LYVE1: variants seen among roughly 807,000 people sequenced by gnomAD.
LYVE1 encodes the protein lymphatic vessel endothelial hyaluronic acid receptor 1.
A neutral mutation model predicts 31.5 loss-of-function variants in LYVE1; 29 were observed. The ratio of observed to expected loss-of-function variants is 0.92; its 90% confidence interval spans 0.69 to 1.26. The LOEUF is 1.26. Ranked by LOEUF, LYVE1 falls within the 50% of genes most tolerant of loss-of-function variation. LYVE1 has a pLI of 0.00. For synonymous variants in LYVE1, 134 were observed against 139.4 expected (o/e 0.96, Z 0.27); for missense variants, 376 against 380.2 (o/e 0.99, Z 0.09).
In LYVE1 at chr11:10,568,611, C is replaced by A; in HGVS notation, c.-79G>T. Reference sequence around the variant, plus strand: ...GAGAGGCAGATGCTCAATAACTAGTCCGGATGGAGAGTTCTGGAACTATGT... The same window carrying A: ...GAGAGGCAGATGCTCAATAACTAGTACGGATGGAGAGTTCTGGAACTATGT... On this transcript the variant is annotated 5_prime_UTR_variant, in exon 1 of 6. Coordinates refer to ENST00000256178, the MANE Select transcript of LYVE1 (RefSeq NM_006691.4). The A allele has an allele frequency of 6.5e-7, 1 of 1,526,876 alleles. No individual in the cohort carries two copies. The highest frequency in any genetic ancestry group is 1.2e-5 in the South Asian group (1 of 81,712). The allele number at this position is 1,526,876 out of a possible 1,614,324, so 94.6% of individuals were successfully genotyped here.
chr11:10,568,240 A>AGTAAAAGTCCAGATGATACAAAC (rs1280556622), intron 1 of LYVE1, among the ~76,000 whole-genome samples: 8 of 152,386 alleles, frequency 5.2e-5, no homozygotes, highest in African/African-American at 1.7e-4. Flanking sequence ...CATAACCAAA[A>AGTAAAAGTCCAGATGATACAAAC]GTAAAAGTCC....
rs1225160624 is a variant in LYVE1 at position 10,559,022 on chromosome 11, T to C, written c.*89A>G. ...CCAAGGGTGGACTTTCTTCTTTGGT[T>C]CTTTGGCCCTTTTGATTTCCCCAGC... On this transcript the variant is annotated 3_prime_UTR_variant, in exon 6 of 6. Transcript: ENST00000256178. The C allele has an allele frequency of 1.6e-6, 2 of 1,260,070 alleles. No homozygotes were observed. Among genetic ancestry groups the C allele is most frequent in the African/African-American group, 3.0e-5 (2 of 66,296 alleles). The allele number at this position is 1,260,070 out of a possible 1,614,324, so 78.1% of individuals were successfully genotyped here.
chr11:10,560,830 G>T (rs1407354357), intron 3 of LYVE1, 30 bp from the exon 4 acceptor site: 7 of 1,541,154 alleles, frequency 4.5e-6, no homozygotes, highest in Non-Finnish European at 6.2e-6. Flanking sequence ...TGGAATAAAA[G>T]TATTGCAACA....
At chr11:10,564,529 C>T (rs1009346733) in intron 1 of LYVE1, among the ~76,000 whole-genome samples, 155 bp from the exon 2 acceptor site, 4 of 152,196 alleles carry the variant, frequency 2.6e-5, no homozygotes, top group Middle Eastern at 3.2e-3. Context: ...CAGGCATTTT[C>T]CACAAGGACC....
rs188186764 is a variant in LYVE1 at position 10,557,205 on chromosome 11, A to G, written c.*1906T>C. 1.3e-5 allele frequency: 2 copies of G among 152,292 alleles called. No homozygotes were observed. The allele number at this position is 152,292 out of a possible 1,614,324, so 9.4% of individuals were successfully genotyped here. A position where few individuals can be genotyped will look rare whatever the true frequency, so the allele number is the denominator to read the frequency against. Reference sequence around the variant, plus strand: ...ACCTTTACTTTGGCATGAGTGTGCAACAGAGAGTCATGAGGACTGTGGTGA... The same window carrying G: ...ACCTTTACTTTGGCATGAGTGTGCAGCAGAGAGTCATGAGGACTGTGGTGA... On this transcript the variant is annotated 3_prime_UTR_variant, in exon 6 of 6. Coordinates refer to ENST00000256178, the MANE Select transcript of LYVE1 (RefSeq NM_006691.4).
chr11:10,561,976 A>T (rs1850435632), intron 3 of LYVE1, among the ~76,000 whole-genome samples: 1 of 152,172 alleles, frequency 6.6e-6, no homozygotes, highest in Non-Finnish European at 1.5e-5. Context: ...TAATAAAAAT[A>T]AAATAATAAA....
Position 10,560,657 on chromosome 11 carries a change from G to C in LYVE1, c.541C>G (p.Pro181Ala), listed in dbSNP as rs772670938. The C allele has an allele frequency of 1.2e-6, 2 of 1,614,014 alleles. No homozygotes were observed. Among genetic ancestry groups the C allele is most frequent in the African/African-American group, 1.3e-5 (1 of 74,924 alleles). Residue 181 changes from proline to alanine, a missense_variant, in exon 4 of 6, where the codon CCT becomes GCT. Transcript: ENST00000256178. ...VASPYSTIPA[P>A]TTTPPAPAST... Reference sequence around the variant, plus strand: ...GCTGGAGCAGGAGGAGTAGTAGTAGGGGCAGGTATTGTAGAGTAAGGGGAT... The same window carrying C: ...GCTGGAGCAGGAGGAGTAGTAGTAGCGGCAGGTATTGTAGAGTAAGGGGAT...
intron 1 of LYVE1, among the ~76,000 whole-genome samples, chr11:10,566,075 G>A (rs535741074): frequency 6.6e-5 from 10 of 152,026 alleles, no homozygotes; most frequent in African/African-American, 2.2e-4. Flanking sequence ...TTCCCAAAGT[G>A]CTGGGATTAC....
At chr11:10,565,646 TA>T (rs11348623) in intron 1 of LYVE1, among the ~76,000 whole-genome samples, 4,070 of 152,242 alleles carry the variant, frequency 0.027, 74 homozygotes, top group African/African-American at 0.056. Flanking sequence ...TGCCTGATTC[TA>T]AAACCCCAGT....
At chr11:10,562,480 A>G (rs1850448145) in intron 3 of LYVE1, among the ~76,000 whole-genome samples, 1 of 152,190 alleles carries the variant, frequency 6.6e-6, no homozygotes, top group African/African-American at 2.4e-5. Context: ...TTTCTGGGAC[A>G]GTTTTTGCTA....
At chr11:10,561,404 A>G (rs1289718225) in intron 3 of LYVE1, among the ~76,000 whole-genome samples, 1 of 152,206 alleles carries the variant, frequency 6.6e-6, no homozygotes, top group Non-Finnish European at 1.5e-5. Flanking sequence ...AGGAAAAGGG[A>G]AAGGAAGGAA....
chr11:10,563,821 A>AT, intron 3 of LYVE1, 119 bp downstream of exon 3: 4 of 1,294,604 alleles, frequency 3.1e-6, no homozygotes, highest in Non-Finnish European at 4.4e-6. Flanking sequence ...TGTCGGGAGA[A>AT]TTAGATGGCC....
At chr11:10,562,946 C>CTTTTTT (rs71034774) in intron 3 of LYVE1, among the ~76,000 whole-genome samples, 94 of 79,466 alleles carry the variant, frequency 1.2e-3, no homozygotes, top group Non-Finnish European at 1.6e-3. Context: ...AACTCGGTTT[C>CTTTTTT]TTTTTTTTTT....
intron 1 of LYVE1, among the ~76,000 whole-genome samples, chr11:10,566,203 G>A (rs1177764704): frequency 2.0e-5 from 3 of 151,760 alleles, no homozygotes; most frequent in South Asian, 2.1e-4. Context: ...TCTGCCTCCC[G>A]GGTCCAAGCA....
At chr11:10,561,188 G>T (rs1850418132) in intron 3 of LYVE1, among the ~76,000 whole-genome samples, 1 of 152,130 alleles carries the variant, frequency 6.6e-6, no homozygotes, top group Non-Finnish European at 1.5e-5. Flanking sequence ...TCAGGTCTCA[G>T]ATTGACCCTG....
Position 10,566,089 on chromosome 11 carries a change from C to T in LYVE1, c.86-1715G>A, listed in dbSNP as rs549269016. Among the ~76,000 whole-genome samples, 54 of 151,756 alleles carry T rather than the reference C, an allele frequency of 3.6e-4. 1 individual carries two copies. The highest frequency in any genetic ancestry group is 1.0e-3 in the African/African-American group (42 of 41,380). On this transcript the variant is annotated intron_variant, in intron 1 of 5. Transcript: ENST00000256178. The stretch of plus-strand genomic sequence containing the variant: ...CTTCCCAAAGTGCTGGGATTACAGG[C>T]GTGAGCCACTGTGCCTGGCCCTTTT...
At chr11:10,564,880 CT>C (rs1158924017) in intron 1 of LYVE1, among the ~76,000 whole-genome samples, 1 of 152,162 alleles carries the variant, frequency 6.6e-6, no homozygotes, top group East Asian at 1.9e-4. Flanking sequence ...AGTTCCAGGT[CT>C]TTTGGCCACT....
intron 3 of LYVE1, among the ~76,000 whole-genome samples, chr11:10,561,557 G>A (rs1850425129): frequency 6.6e-6 from 1 of 152,148 alleles, no homozygotes; most frequent in Non-Finnish European, 1.5e-5. Flanking sequence ...TTTCCAATCT[G>A]TTGCATGTGC....
intron 3 of LYVE1, 131 bp downstream of exon 3, chr11:10,563,809 A>G (rs948756845): frequency 3.5e-5 from 40 of 1,158,448 alleles, no homozygotes; most frequent in East Asian, 4.8e-5. Context: ...CCAGAGAGAC[A>G]GTGTCGGGAG....
Sources: allele counts gnomAD v4.1 joint callset (sites outside exome capture counted in the v4.1 genomes callset), GRCh38; gene constraint gnomAD v4.1.1; transcripts MANE v1.5; gene names NCBI Gene and HGNC (gene_info 2026-07-23, HGNC 2026-07-21).